Variants in ZNF385B observed in about 807,000 individuals in gnomAD.
ZNF385B encodes zinc finger protein 385B, also known as zinc finger protein 533.
A neutral mutation model predicts 39.2 loss-of-function variants in ZNF385B; 23 were observed. The observed-to-expected ratio is 0.59, with a 90% confidence interval of 0.42 to 0.83. The LOEUF is 0.83. Ranked by LOEUF, ZNF385B falls within the 40% of genes least tolerant of loss-of-function variation. ZNF385B has a pLI of 0.00. For missense variants in ZNF385B, 552 were observed against 598.9 expected, an observed-to-expected ratio of 0.92 and a Z score of 0.82; for synonymous variants, 205 against 222.6, an observed-to-expected ratio of 0.92 and a Z score of 0.70.
intron 5 of ZNF385B, among the ~76,000 whole-genome samples, chr2:179,518,292 G>T (rs2058230953): frequency 6.6e-6 from 1 of 152,036 alleles, no homozygotes. Context: ...TTTTCGATGT[G>T]ATCTAGGTTG....
intron 3 of ZNF385B, among the ~76,000 whole-genome samples, chr2:179,588,803 C>A (rs1156435292): frequency 6.6e-6 from 1 of 152,128 alleles, no homozygotes; most frequent in Non-Finnish European, 1.5e-5. Context: ...GACCCACCAT[C>A]AATGGTGGTG....
chr2:179,755,916 C>A (rs1466112386), intron 3 of ZNF385B, among the ~76,000 whole-genome samples: 1 of 152,116 alleles, frequency 6.6e-6, no homozygotes, highest in Non-Finnish European at 1.5e-5. Context: ...TTAATTGGAG[C>A]ATTTAGCCCA....
chr2:179,496,711 A>T (rs950298589), intron 5 of ZNF385B, among the ~76,000 whole-genome samples: 5 of 152,246 alleles, frequency 3.3e-5, no homozygotes, highest in African/African-American at 1.2e-4. Context: ...AAGGAAAAAA[A>T]TCTTTTATCC....
rs893247219 is a variant in ZNF385B, at chr2:179,460,416, C to G, written c.716-13646G>C. Among the ~76,000 whole-genome samples, 3 of 152,162 alleles carry G rather than the reference C, an allele frequency of 2.0e-5. No individual in the cohort carries two copies. In the South Asian group the frequency reaches 6.2e-4, roughly 32 times the overall value. The stretch of plus-strand genomic sequence containing the variant: ...AGTTCCTCCCTAAAATTGACCCTCC[C>G]TGCCTTGTTTTGTAAGTCTACTGAA... On this transcript the variant is annotated intron_variant, in intron 6 of 9. Coordinates refer to ENST00000410066, the MANE Select transcript of ZNF385B (RefSeq NM_152520.6).
At chr2:179,734,940 C>T (rs1701643923) in intron 3 of ZNF385B, among the ~76,000 whole-genome samples, 1 of 151,908 alleles carries the variant, frequency 6.6e-6, no homozygotes, top group Non-Finnish European at 1.5e-5. Context: ...AGAAGAAAAC[C>T]TAGGCATTAC....
chr2:179,517,669 C>T (rs1259779015), intron 5 of ZNF385B, among the ~76,000 whole-genome samples: 2 of 152,092 alleles, frequency 1.3e-5, no homozygotes, highest in Non-Finnish European at 2.9e-5. Context: ...GGTCAAGTAA[C>T]TCAGGAAATA....
At chr2:179,690,927 G>A (rs139757514) in intron 3 of ZNF385B, among the ~76,000 whole-genome samples, 39 of 152,226 alleles carry the variant, frequency 2.6e-4, no homozygotes, top group African/African-American at 7.0e-4. Context: ...GGGTGCACTC[G>A]ATCAGTTTCC....
chr2:179,592,471 C>T (rs932753339), intron 3 of ZNF385B, among the ~76,000 whole-genome samples: 5 of 152,146 alleles, frequency 3.3e-5, no homozygotes, highest in African/African-American at 1.2e-4. Flanking sequence ...CACTAAAAAA[C>T]TGAGAATGAA....
At chr2:179,475,894 G>T (rs2053389885) in intron 6 of ZNF385B, among the ~76,000 whole-genome samples, 1 of 150,526 alleles carries the variant, frequency 6.6e-6, no homozygotes, top group Non-Finnish European at 1.5e-5. Context: ...GGGCACACTT[G>T]TAATCCCAGC....
intron 6 of ZNF385B, among the ~76,000 whole-genome samples, chr2:179,451,123 A>G (rs1207905507): frequency 8.1e-6 from 1 of 124,006 alleles, no homozygotes. Context: ...GGGGGGAGGG[A>G]TAGCATTAGG....
chr2:179,734,478 A>G (rs1196014029), intron 3 of ZNF385B, among the ~76,000 whole-genome samples: 1 of 152,214 alleles, frequency 6.6e-6, no homozygotes, highest in Non-Finnish European at 1.5e-5. Flanking sequence ...TATCCATCTG[A>G]CAGGTAAGTA....
chr2:179,619,768 G>A (rs549025135), intron 3 of ZNF385B, among the ~76,000 whole-genome samples: 2 of 152,260 alleles, frequency 1.3e-5, no homozygotes, highest in South Asian at 2.1e-4. Context: ...GTTCTCTGAA[G>A]ACCATTATTT....
chr2:179,801,658 T>C (rs754236470), intron 1 of ZNF385B, among the ~76,000 whole-genome samples: 2 of 152,172 alleles, frequency 1.3e-5, no homozygotes, highest in Non-Finnish European at 2.9e-5. Context: ...GCCCCTGCCA[T>C]ATAAAAATTT....
At chr2:179,653,407 C>T (rs1451886289) in intron 3 of ZNF385B, among the ~76,000 whole-genome samples, 4 of 152,160 alleles carry the variant, frequency 2.6e-5, no homozygotes, top group African/African-American at 9.7e-5. Context: ...AGTTTCTATA[C>T]AGCCTCCAGT....
chr2:179,576,280 A>G (rs1685801741), intron 3 of ZNF385B: 2 of 614,740 alleles, frequency 3.3e-6, no homozygotes, highest in African/African-American at 4.0e-5. Flanking sequence ...AAAAATCAAA[A>G]GTGAACCACA....
At chr2:179,692,206 C>T (rs1341572309) in intron 3 of ZNF385B, among the ~76,000 whole-genome samples, 2 of 152,130 alleles carry the variant, frequency 1.3e-5, no homozygotes, top group Non-Finnish European at 2.9e-5. Flanking sequence ...TCTCCAAGTG[C>T]TGAAGGGGTG....
intron 3 of ZNF385B, among the ~76,000 whole-genome samples, chr2:179,595,895 T>C (rs1026423735): frequency 6.6e-6 from 1 of 151,902 alleles, no homozygotes; most frequent in Non-Finnish European, 1.5e-5. Context: ...AATCCAGGAA[T>C]ATGTGCATTT....
At chr2:179,756,362 T>G (rs1442780287) in intron 3 of ZNF385B, among the ~76,000 whole-genome samples, 1 of 152,236 alleles carries the variant, frequency 6.6e-6, no homozygotes, top group East Asian at 1.9e-4. Flanking sequence ...GTTAGTCTGA[T>G]GGGCTTCCTT....
At chr2:179,737,949 G>A (rs1305541285) in intron 3 of ZNF385B, among the ~76,000 whole-genome samples, 2 of 152,132 alleles carry the variant, frequency 1.3e-5, no homozygotes, top group Admixed American at 1.3e-4. Context: ...TGAACAAATG[G>A]TCACTCATGC....
Sources: gnomAD v4.1 joint callset for allele counts (sites outside exome capture counted in the v4.1 genomes callset) on GRCh38, gnomAD v4.1.1 for gene constraint, MANE v1.5 for transcripts, NCBI Gene and HGNC (gene_info 2026-07-23, HGNC 2026-07-21) for gene names.